SORCS3: variants seen among roughly 807,000 people sequenced by gnomAD.
SORCS3 encodes VPS10 domain-containing receptor SorCS3.
A neutral mutation model predicts 146.3 loss-of-function variants in SORCS3; 57 were observed. The ratio of observed to expected loss-of-function variants is 0.39; its 90% CI spans 0.31 to 0.49. The LOEUF is 0.49. SORCS3 is among the 20% of genes least tolerant of loss of function. SORCS3 has a pLI of 0.92. For missense variants in SORCS3, 1,341 were observed against 1,575.5 expected (o/e 0.85, Z 2.52); for synonymous variants, 653 against 618.5 (o/e 1.06, Z -0.83).
chr10:105,081,776 C>T (rs1325034188), intron 5 of SORCS3, among the ~76,000 whole-genome samples: 1 of 152,062 alleles, frequency 6.6e-6, no homozygotes, highest in Non-Finnish European at 1.5e-5. Flanking sequence ...TTGGTCAGAA[C>T]TCAGAAGGGC....
At chr10:104,744,688 G>A (rs927955767) in intron 1 of SORCS3, among the ~76,000 whole-genome samples, 1 of 152,176 alleles carries the variant, frequency 6.6e-6, no homozygotes, top group Non-Finnish European at 1.5e-5. Flanking sequence ...CTGATGCTAG[G>A]TTTGCAGAAT....
chr10:104,661,118 T>C (rs2015694680), intron 1 of SORCS3, among the ~76,000 whole-genome samples: 1 of 152,230 alleles, frequency 6.6e-6, no homozygotes, highest in African/African-American at 2.4e-5. Flanking sequence ...TCTTGCTCTG[T>C]TCTTTACACA....
rs572641826 is a variant in SORCS3, at chr10:104,808,653, C to G, written c.628-34139C>G. Among the ~76,000 whole-genome samples, 11 of 152,320 alleles carry G rather than the reference C, an allele frequency of 7.2e-5. No homozygotes were observed. The Middle Eastern group carries it at 0.034, about 471-fold the overall frequency. ...ATGTAAATGAGATGGTGGAAACCATCAGTAGATAAGGAGACTGGAGCCCAT... is the reference window on the plus strand; with the variant it reads ...ATGTAAATGAGATGGTGGAAACCATGAGTAGATAAGGAGACTGGAGCCCAT... On this transcript the variant is annotated intron_variant, in intron 1 of 26. Coordinates refer to ENST00000369701, the MANE Select transcript of SORCS3 (RefSeq NM_014978.3).
At chr10:104,944,851 T>C (rs1226378430) in intron 3 of SORCS3, among the ~76,000 whole-genome samples, 1 of 152,176 alleles carries the variant, frequency 6.6e-6, no homozygotes, top group African/African-American at 2.4e-5. Context: ...TTAGGTATAA[T>C]ATCATACAGA....
chr10:104,645,910 C>T (rs1161779047), intron 1 of SORCS3, among the ~76,000 whole-genome samples: 2 of 152,150 alleles, frequency 1.3e-5, no homozygotes, highest in Non-Finnish European at 2.9e-5. Context: ...TGCTTGTCTT[C>T]ATCCTCCCTG....
chr10:105,080,378 T>G (rs1394889043), intron 5 of SORCS3, among the ~76,000 whole-genome samples: 1 of 152,200 alleles, frequency 6.6e-6, no homozygotes, highest in Non-Finnish European at 1.5e-5. Flanking sequence ...TATCTGTTCA[T>G]GTCTTTTGCC....
chr10:104,976,663 A>G (rs2133649100), intron 3 of SORCS3, among the ~76,000 whole-genome samples: 1 of 152,352 alleles, frequency 6.6e-6, no homozygotes, highest in African/African-American at 2.4e-5. Context: ...AACCAACCCA[A>G]ATGTCCAACA....
At chr10:104,717,921 A>G (rs1052303962) in intron 1 of SORCS3, among the ~76,000 whole-genome samples, 7 of 151,946 alleles carry the variant, frequency 4.6e-5, no homozygotes, top group African/African-American at 1.7e-4. Flanking sequence ...CAGGTGGATC[A>G]TCTCAGGTCA....
At chr10:104,757,609 GT>G (rs1275195539) in intron 1 of SORCS3, among the ~76,000 whole-genome samples, 12 of 152,282 alleles carry the variant, frequency 7.9e-5, no homozygotes, top group Middle Eastern at 3.4e-3. Context: ...TTATTGTTGG[GT>G]TGGGGGGATT....
In SORCS3 at chr10:104,842,785, C is replaced by T; in HGVS notation, c.628-7C>T. ...TCTCCTTTGCCCTTATCCCCAACCC[C>T]TTGCAGGTCATACTTATCCTGACGA... On this transcript the variant is annotated splice_region_variant and splice_polypyrimidine_tract_variant and intron_variant, in intron 1 of 26. Coordinates refer to ENST00000369701, the MANE Select transcript of SORCS3 (RefSeq NM_014978.3). The T allele has an allele frequency of 1.2e-6, 2 of 1,613,402 alleles. No individual in the cohort carries two copies. The highest frequency in any genetic ancestry group is 1.7e-6 in the Non-Finnish European group (2 of 1,179,402).
Position 105,101,683 on chromosome 10 carries a change from T to A in SORCS3, c.1094-3714T>A, listed in dbSNP as rs60447352. On this transcript the variant is annotated intron_variant, in intron 6 of 26. Coordinates refer to ENST00000369701, the MANE Select transcript of SORCS3 (RefSeq NM_014978.3). ...TTGTTTCTGGTGGCCTCGAATACACTTGCTTCCTTTTTCAAAGTGTCCAAA... is the reference window on the plus strand; with the variant it reads ...TTGTTTCTGGTGGCCTCGAATACACATGCTTCCTTTTTCAAAGTGTCCAAA... Among the ~76,000 whole-genome samples the A allele has an allele frequency of 6.6e-3, 999 of 152,250 alleles. 8 individuals carry two copies. The highest frequency in any genetic ancestry group is 0.023 in the African/African-American group (952 of 41,544).
intron 1 of SORCS3, among the ~76,000 whole-genome samples, chr10:104,761,035 T>C (rs1432621970): frequency 6.6e-6 from 1 of 152,162 alleles, no homozygotes; most frequent in East Asian, 1.9e-4. Context: ...GCTTCATTTA[T>C]CTGGAAAATG....
At position 105,063,782 on chromosome 10, in the gene SORCS3, C is replaced by T. The variant is rs115631039; in HGVS notation, c.1028+20654C>T. On this transcript the variant is annotated intron_variant, in intron 5 of 26. Transcript: ENST00000369701. ...CTCCTTCAAAGAGCTCAGAATCCAG[C>T]CAGGAGACCTGATCCTCGGGTGTCA... is the stretch of plus-strand genomic sequence containing the variant. 7.5e-3 allele frequency among the ~76,000 whole-genome samples: 1,148 copies of T among 152,314 alleles called. 19 individuals carry two copies. Among genetic ancestry groups the T allele is most frequent in the African/African-American group, 0.026 (1,071 of 41,562 alleles).
intron 14 of SORCS3, among the ~76,000 whole-genome samples, chr10:105,182,230 C>CTTTTTTTTTGTTT (rs2056446852): frequency 1.4e-5 from 1 of 70,486 alleles, no homozygotes; most frequent in African/African-American, 5.3e-5. Flanking sequence ...TATTCAGCAT[C>CTTTTTTTTTGTTT]TTTTTTTTTT....
At chr10:105,079,731 A>G (rs777203816) in intron 5 of SORCS3, among the ~76,000 whole-genome samples, 1 of 151,694 alleles carries the variant, frequency 6.6e-6, no homozygotes, top group Non-Finnish European at 1.5e-5. Context: ...CCCACTCTCC[A>G]CCCTCTGGTA....
intron 20 of SORCS3, among the ~76,000 whole-genome samples, chr10:105,230,903 G>A (rs952872330): frequency 1.6e-4 from 24 of 152,180 alleles, no homozygotes; most frequent in African/African-American, 1.4e-4. Flanking sequence ...TCTGGAGCAC[G>A]GATATTGCAG....
chr10:104,750,573 C>A (rs918291036), intron 1 of SORCS3, among the ~76,000 whole-genome samples: 7 of 152,064 alleles, frequency 4.6e-5, no homozygotes, highest in African/African-American at 1.4e-4. Flanking sequence ...ATACTGATGG[C>A]AAATTGTACC....
intron 1 of SORCS3, among the ~76,000 whole-genome samples, chr10:104,759,799 G>A (rs759536095): frequency 2.6e-5 from 4 of 152,072 alleles, no homozygotes; most frequent in East Asian, 1.9e-4. Flanking sequence ...GATCTGTCAC[G>A]GCCTGGTGAT....
At chr10:105,254,646 A>G (rs1424469776) in intron 23 of SORCS3, among the ~76,000 whole-genome samples, 1 of 152,034 alleles carries the variant, frequency 6.6e-6, no homozygotes, top group African/African-American at 2.4e-5. Flanking sequence ...TAAAAATACA[A>G]AAATTAGCTT....
Sources: allele counts gnomAD v4.1 joint callset (sites outside exome capture counted in the v4.1 genomes callset), GRCh38; gene constraint gnomAD v4.1.1; transcripts MANE v1.5; gene names NCBI Gene and HGNC (gene_info 2026-07-23, HGNC 2026-07-21).